Variants in EPHB2 observed in about 807,000 individuals in gnomAD.
The protein encoded by EPHB2 is EPH receptor B2.
Under a neutral mutation model 96.4 loss-of-function variants are expected in EPHB2, and 18 were observed. The observed-to-expected ratio is 0.19, with a 90% confidence interval of 0.13 to 0.28. EPHB2 has a LOEUF of 0.28. Ranked by LOEUF, EPHB2 falls within the 10% of genes least tolerant of loss-of-function variation. The probability of loss-of-function intolerance (pLI) is 1.00; values close to 1 mark genes in which losing one functional copy is unlikely to be tolerated. For missense variants in EPHB2, 989 were observed against 1,355.4 expected (o/e 0.73, Z 4.25); for synonymous variants, 506 against 534.1 (o/e 0.95, Z 0.72).
chr1:22,867,096 G>A (rs1017414379), intron 5 of EPHB2, among the ~76,000 whole-genome samples: 4 of 152,224 alleles, frequency 2.6e-5, no homozygotes, highest in Admixed American at 6.5e-5. Context: ...ACCAGGAAGA[G>A]TGAGAGGCAA....
chr1:22,886,707 A>G (rs550479347), intron 6 of EPHB2, among the ~76,000 whole-genome samples: 126 of 148,408 alleles, frequency 8.5e-4, no homozygotes, highest in Admixed American at 1.5e-3. Flanking sequence ...GCTCACCACA[A>G]CCTCTGCCTC....
chr1:22,859,742 G>T (rs915063422), intron 3 of EPHB2, among the ~76,000 whole-genome samples: 2 of 151,930 alleles, frequency 1.3e-5, no homozygotes, highest in African/African-American at 2.4e-5. Context: ...GCAGTGAGCC[G>T]AGATTGTGCC....
chr1:22,864,199 T>C (rs560742944), intron 4 of EPHB2, among the ~76,000 whole-genome samples: 22 of 152,138 alleles, frequency 1.4e-4, no homozygotes, highest in Non-Finnish European at 1.5e-4. Flanking sequence ...GCATCCGCCA[T>C]CATGCCCGGC....
intron 3 of EPHB2, among the ~76,000 whole-genome samples, chr1:22,807,572 A>G (rs1360265810): frequency 6.6e-6 from 1 of 152,148 alleles, no homozygotes; most frequent in Admixed American, 6.5e-5. Context: ...CCATGGTCTG[A>G]GCATGTGCCA....
intron 1 of EPHB2, among the ~76,000 whole-genome samples, chr1:22,715,005 G>A (rs1219887069): frequency 6.6e-6 from 1 of 152,202 alleles, no homozygotes; most frequent in African/African-American, 2.4e-5. Context: ...CCACTAGACT[G>A]TAAACTCCAG....
chr1:22,882,658 G>A, intron 6 of EPHB2, 175 bp downstream of exon 6: 1 of 955,962 alleles, frequency 1.0e-6, no homozygotes, highest in Non-Finnish European at 1.5e-6. Flanking sequence ...CCTTCCCACT[G>A]TGAGACCTCA....
At chr1:22,898,939 C>T (rs1043805383) in intron 9 of EPHB2, among the ~76,000 whole-genome samples, 4 of 152,070 alleles carry the variant, frequency 2.6e-5, no homozygotes, top group Admixed American at 1.3e-4. Flanking sequence ...TGGCCAGGCA[C>T]GGTGGCTCAC....
At chr1:22,731,181 A>G (rs1643702208) in intron 1 of EPHB2, among the ~76,000 whole-genome samples, 1 of 152,154 alleles carries the variant, frequency 6.6e-6, no homozygotes, top group African/African-American at 2.4e-5. Context: ...TGACAATGCG[A>G]TCTCCTGGCA....
chr1:22,725,351 A>T (rs1334904008), intron 1 of EPHB2, among the ~76,000 whole-genome samples: 1 of 151,886 alleles, frequency 6.6e-6, no homozygotes, highest in African/African-American at 2.4e-5. Context: ...GGCTGGCTGG[A>T]TAGATGGAGA....
chr1:22,876,077 G>T (rs538494946), intron 5 of EPHB2, among the ~76,000 whole-genome samples: 142 of 152,298 alleles, frequency 9.3e-4, no homozygotes, highest in African/African-American at 3.2e-3. Context: ...GTCTTATTCT[G>T]GGTGCAGTGG....
At chr1:22,887,758 A>G (rs1333069863) in intron 6 of EPHB2, among the ~76,000 whole-genome samples, 3 of 152,232 alleles carry the variant, frequency 2.0e-5, no homozygotes, top group Non-Finnish European at 4.4e-5. Flanking sequence ...GCCATTCATG[A>G]GGCCACCTGT....
intron 1 of EPHB2, among the ~76,000 whole-genome samples, chr1:22,740,019 T>C (rs1318720): frequency 0.48 from 73,247 of 151,808 alleles, 19,033 homozygotes; most frequent in East Asian, 0.94. Flanking sequence ...AACCAGGCGC[T>C]GAGGCAGGGA....
chr1:22,880,701 G>A (rs1030366636), intron 5 of EPHB2, among the ~76,000 whole-genome samples: 1 of 152,190 alleles, frequency 6.6e-6, no homozygotes, highest in Non-Finnish European at 1.5e-5. Flanking sequence ...TGTGCACCTC[G>A]GAACTTCAAT....
intron 3 of EPHB2, among the ~76,000 whole-genome samples, chr1:22,804,693 G>A (rs182576946): frequency 2.4e-4 from 32 of 135,298 alleles, no homozygotes; most frequent in African/African-American, 9.7e-4. Flanking sequence ...CACCCTTCCC[G>A]CCCCTCCCAG....
chr1:22,804,099 G>A (rs1644889726), intron 3 of EPHB2, among the ~76,000 whole-genome samples: 2 of 152,082 alleles, frequency 1.3e-5, no homozygotes, highest in Non-Finnish European at 2.9e-5. Flanking sequence ...GAGGCAGAAG[G>A]GCTTGTGCGG....
chr1:22,718,668 G>A (rs1221400434), intron 1 of EPHB2, among the ~76,000 whole-genome samples: 2 of 152,154 alleles, frequency 1.3e-5, no homozygotes, highest in South Asian at 2.1e-4. Context: ...GATTACAGGT[G>A]TGAGCCACCG....
chr1:22,839,853 T>C (rs1645440052), intron 3 of EPHB2, among the ~76,000 whole-genome samples: 1 of 152,122 alleles, frequency 6.6e-6, no homozygotes, highest in Admixed American at 6.5e-5. Context: ...CCCAGTGAAC[T>C]AGACGGTCAA....
intron 3 of EPHB2, among the ~76,000 whole-genome samples, chr1:22,837,561 G>T (rs994009193): frequency 5.3e-5 from 8 of 152,214 alleles, no homozygotes; most frequent in African/African-American, 1.9e-4. Flanking sequence ...GTTGCACATT[G>T]TTTAGTAGAT....
intron 3 of EPHB2, among the ~76,000 whole-genome samples, chr1:22,809,396 T>C (rs2148459290): frequency 6.6e-6 from 1 of 152,342 alleles, no homozygotes; most frequent in Middle Eastern, 3.4e-3. Flanking sequence ...CTAAGATGTT[T>C]TTCCAAGAGA....
Sources: gnomAD v4.1 joint callset for allele counts (sites outside exome capture counted in the v4.1 genomes callset) on GRCh38, gnomAD v4.1.1 for gene constraint, MANE v1.5 for transcripts, NCBI Gene and HGNC (gene_info 2026-07-23, HGNC 2026-07-21) for gene names.